HERC1: variants seen among roughly 807,000 people sequenced by gnomAD.
HERC1 encodes the protein probable E3 ubiquitin-protein ligase HERC1.
A neutral mutation model predicts 554.3 loss-of-function variants in HERC1; 160 were observed. That is an observed-to-expected ratio of 0.29 (90% CI 0.25 to 0.33). The LOEUF is 0.33. Ranked by LOEUF, HERC1 falls within the 10% of genes least tolerant of loss-of-function variation. The probability of loss-of-function intolerance (pLI) is 1.00; values close to 1 mark genes in which losing one functional copy is unlikely to be tolerated. For missense variants in HERC1, 4,919 were observed against 5,918.5 expected, an observed-to-expected ratio of 0.83 and a Z score of 5.54; for synonymous variants, 2,175 against 2,131.7, an observed-to-expected ratio of 1.02 and a Z score of -0.56.
At chr15:63,627,122 G>A (rs938772324) in intron 70 of HERC1, among the ~76,000 whole-genome samples, 1 of 152,108 alleles carries the variant, frequency 6.6e-6, no homozygotes, top group African/African-American at 2.4e-5. Context: ...TTGTCAGTGC[G>A]TAGGCAGCTC....
intron 1 of HERC1, among the ~76,000 whole-genome samples, chr15:63,786,572 T>C (rs1263132826): frequency 6.6e-6 from 1 of 152,242 alleles, no homozygotes; most frequent in Non-Finnish European, 1.5e-5. Context: ...TATTCAGCCA[T>C]AAATAGGAAT....
chr15:63,818,936 C>A (rs1003568821), intron 1 of HERC1, among the ~76,000 whole-genome samples: 2 of 152,160 alleles, frequency 1.3e-5, no homozygotes, highest in Admixed American at 1.3e-4. Context: ...TATAGTGCTG[C>A]CATTAGAATT....
chr15:63,668,388 G>A (rs1255917985), intron 40 of HERC1, among the ~76,000 whole-genome samples: 3 of 152,144 alleles, frequency 2.0e-5, no homozygotes, highest in African/African-American at 4.8e-5. Flanking sequence ...AGCTACTTGG[G>A]AAGCTGAGGT....
intron 1 of HERC1, among the ~76,000 whole-genome samples, chr15:63,815,025 T>C (rs2145478706): frequency 6.6e-6 from 1 of 152,348 alleles, no homozygotes; most frequent in East Asian, 1.9e-4. Flanking sequence ...TCTGAAATTC[T>C]GTATTAACAG....
intron 3 of HERC1, among the ~76,000 whole-genome samples, chr15:63,759,224 T>C (rs1259235198): frequency 3.9e-5 from 6 of 152,210 alleles, no homozygotes; most frequent in Admixed American, 3.3e-4. Flanking sequence ...AAAATGGTGC[T>C]ATTAATACAT....
chr15:63,694,082 T>C lies in HERC1; in HGVS notation c.5556A>G (p.Leu1852=), dbSNP rs1220618907. ...LDLLCSQLKN[L]LSQTGVLHMA... is the part of the protein sequence containing the mutation. ...TATGTAGTACACCAGTTTGGGACAA[T>C]AAATTCTTCAACTGACTACAGAGTA... Residue 1852 remains leucine (L), a synonymous_variant, in exon 30 of 78, where the codon TTA becomes TTG. Coordinates refer to ENST00000443617, the MANE Select transcript of HERC1 (RefSeq NM_003922.4). This position sits in a 1 kb window ranked among gnomAD's most constrained non-coding sequence, Gnocchi z 4.3. 8.1e-6 allele frequency: 13 copies of C among 1,610,268 alleles called. No homozygotes were observed. The East Asian group carries it at 2.7e-4, about 33-fold the overall frequency.
chr15:63,810,117 T>C (rs80084213), intron 1 of HERC1, among the ~76,000 whole-genome samples: 1 of 152,210 alleles, frequency 6.6e-6, no homozygotes, highest in African/African-American at 2.4e-5. Flanking sequence ...ATTACTATGA[T>C]ATACTAAGTT....
chr15:63,703,835 G>A (rs1313220429), intron 25 of HERC1, among the ~76,000 whole-genome samples: 7 of 151,916 alleles, frequency 4.6e-5, no homozygotes, highest in African/African-American at 1.7e-4. Flanking sequence ...CTTGAGCCTG[G>A]GGAGGTTGAG....
intron 70 of HERC1, 74 bp from the exon 71 acceptor site, chr15:63,626,228 A>G: frequency 2.1e-6 from 3 of 1,440,470 alleles, no homozygotes; most frequent in Non-Finnish European, 1.9e-6. Flanking sequence ...AAAAATTTCA[A>G]GCATACAGAG....
In HERC1 at chr15:63,674,576, G is replaced by T. The variant is rs983570906; in HGVS notation, c.7612C>A (p.Leu2538Met). The change falls in exon 38 of 78, where the codon CTG becomes ATG. Residue 2538 changes from leucine (L) to methionine (M), a missense_variant. Physicochemically the swap from Leu to Met is conservative, Grantham distance 15. This residue lies in a region of HERC1 where 1,963 missense variants were observed against 2,228.6 expected (regional missense o/e 0.88). Coordinates refer to ENST00000443617, the MANE Select transcript of HERC1 (RefSeq NM_003922.4). ...YAELLLIPKV[L>M]AENGHNSDCA... ...TCTGAGTTGTGGCCATTTTCAGCCAGAACTTTTGGTATCAGCAACAGCTCA... is the reference window on the plus strand; with the variant it reads ...TCTGAGTTGTGGCCATTTTCAGCCATAACTTTTGGTATCAGCAACAGCTCA... The T allele has an allele frequency of 2.5e-6, 4 of 1,612,376 alleles. No homozygotes were observed. Among genetic ancestry groups the T allele is most frequent in the African/African-American group, 2.7e-5 (2 of 74,898 alleles).
chr15:63,746,641 T>C (rs1483094266), intron 12 of HERC1, among the ~76,000 whole-genome samples: 1 of 152,140 alleles, frequency 6.6e-6, no homozygotes, highest in Non-Finnish European at 1.5e-5. Flanking sequence ...AGTGACATGT[T>C]TGTAAATAAG....
chr15:63,800,077 G>C (rs2076931293), intron 1 of HERC1, among the ~76,000 whole-genome samples: 1 of 152,182 alleles, frequency 6.6e-6, no homozygotes, highest in Admixed American at 6.5e-5. Context: ...CAAGGCTACA[G>C]TGAGCTGTGA....
At chr15:63,784,210 CTTT>C (rs954091874) in intron 1 of HERC1, among the ~76,000 whole-genome samples, 1 of 152,002 alleles carries the variant, frequency 6.6e-6, no homozygotes, top group Non-Finnish European at 1.5e-5. Context: ...AAAATATGTT[CTTT>C]TTAAGTACCA....
At chr15:63,630,702 T>C in intron 68 of HERC1, 67 bp from the exon 69 acceptor site, 1 of 1,481,224 alleles carries the variant, frequency 6.8e-7, no homozygotes, top group Non-Finnish European at 9.1e-7. Flanking sequence ...TTTTATATTT[T>C]CTGATCAGTC....
At chr15:63,621,489 G>C (rs187962658) in intron 74 of HERC1, among the ~76,000 whole-genome samples, 1 of 152,068 alleles carries the variant, frequency 6.6e-6, no homozygotes, top group East Asian at 1.9e-4. Context: ...TGCTCTTCTC[G>C]AGGAGTATCT....
intron 14 of HERC1, among the ~76,000 whole-genome samples, chr15:63,732,108 C>A (rs77840866): frequency 0.28 from 42,744 of 151,646 alleles, 6,627 homozygotes; most frequent in Middle Eastern, 0.4. Context: ...TCAAGCAACT[C>A]TCCCACCTCG....
chr15:63,681,838 T>C (rs2071496236), intron 34 of HERC1, among the ~76,000 whole-genome samples: 1 of 152,158 alleles, frequency 6.6e-6, no homozygotes, highest in Non-Finnish European at 1.5e-5. Context: ...GCACTTGTGC[T>C]CATGGCAGGG....
Position 63,749,808 on chromosome 15 carries a change from T to A in HERC1, c.1903-17A>T, listed in dbSNP as rs1383000981. On this transcript the variant is annotated splice_polypyrimidine_tract_variant and intron_variant, in intron 8 of 77. Transcript: ENST00000443617. The surrounding 1 kb of genome is among the most constrained non-coding windows in gnomAD (Gnocchi z 4.1). ...AGCATAGACCTGAAAAAAACAGAAA[T>A]ACGTTACACATAACTTCCTGAGATG... is the stretch of plus-strand genomic sequence containing the variant. 1 of 1,528,608 alleles carries A rather than the reference T, an allele frequency of 6.5e-7. No individual in the cohort carries two copies. Among genetic ancestry groups the A allele is most frequent in the Non-Finnish European group, 8.8e-7 (1 of 1,138,456 alleles). The allele number at this position is 1,528,608 out of a possible 1,614,324, so 94.7% of individuals were successfully genotyped here.
chr15:63,642,002 T>C (rs1194619154), intron 59 of HERC1, among the ~76,000 whole-genome samples: 1 of 152,170 alleles, frequency 6.6e-6, no homozygotes, highest in Admixed American at 6.5e-5. Context: ...GAGGTAGCAC[T>C]GCTTTAACTC....
Sources: allele counts gnomAD v4.1 joint callset (sites outside exome capture counted in the v4.1 genomes callset), GRCh38; gene constraint gnomAD v4.1.1; regional missense constraint gnomAD v4.1.1; non-coding constraint Gnocchi (gnomAD v3.1); transcripts MANE v1.5; gene names NCBI Gene and HGNC (gene_info 2026-07-23, HGNC 2026-07-21).